Variants in DNAH11 observed in about 807,000 individuals in gnomAD.
DNAH11 encodes dynein axonemal heavy chain 11, also known as axonemal beta dynein heavy chain 11.
Under a neutral mutation model 526.0 loss-of-function variants are expected in DNAH11, and 442 were observed. The ratio of observed to expected loss-of-function variants is 0.84; its 90% CI spans 0.78 to 0.91. DNAH11 has a LOEUF of 0.91. DNAH11 is among the 40% of genes least tolerant of loss of function. DNAH11 has a pLI of 0.00. For missense variants in DNAH11, 6,989 were observed against 5,448.7 expected, an observed-to-expected ratio of 1.28 and a Z score of -8.90; for synonymous variants, 2,461 against 1,935.9, an observed-to-expected ratio of 1.27 and a Z score of -7.12.
At chr7:21,688,437 G>C (rs1449469238) in intron 34 of DNAH11, among the ~76,000 whole-genome samples, 1 of 152,088 alleles carries the variant, frequency 6.6e-6, no homozygotes, top group East Asian at 1.9e-4. Flanking sequence ...CCAGTCTTTG[G>C]ATTTACTTTC....
chr7:21,784,521 C>T lies in DNAH11; in HGVS notation c.9578C>T (p.Ala3193Val), dbSNP rs753677016. 2 of 1,609,038 alleles carry T rather than the reference C, an allele frequency of 1.2e-6. No individual in the cohort carries two copies. The highest frequency in any genetic ancestry group is 2.2e-5 in the South Asian group (2 of 90,046). Residue 3193 changes from alanine to valine, a missense_variant, in exon 58 of 82, where the codon GCA (alanine) becomes GTA (valine). Ala to Val is a moderately conservative substitution (Grantham distance 64). Coordinates refer to ENST00000409508, the MANE Select transcript of DNAH11 (RefSeq NM_001277115.2). ...CCTGCACTGGTGGCTGCTACAGCTG[C>T]ACTCAATACACTCAACAGGGTAAAG... is the stretch of plus-strand genomic sequence containing the variant. ...AEPALVAATA[A>V]LNTLNRVNLS... is the part of the protein sequence containing the mutation.
Position 21,617,648 on chromosome 7 carries a change from C to T in DNAH11, c.4125C>T (p.Arg1375=), listed in dbSNP as rs570983771. 1.4e-5 allele frequency: 22 copies of T among 1,613,720 alleles called. No homozygotes were observed. Among genetic ancestry groups the T allele is most frequent in the Admixed American group, 3.3e-5 (2 of 59,934 alleles). Residue 1375 remains arginine, a synonymous_variant, in exon 23 of 82, where the codon CGC becomes CGT. Transcript: ENST00000409508. ...KEIWSLNKEV[R]VWDAYTGLEG... ...TTTGGTCACTCAACAAGGAAGTCCG[C>T]GTCTGGGATGCTTACACGGGCCTGG...
At chr7:21,667,822 G>C (rs902851834) in intron 30 of DNAH11, among the ~76,000 whole-genome samples, 1 of 151,996 alleles carries the variant, frequency 6.6e-6, no homozygotes. Flanking sequence ...TAAAATAAAT[G>C]GATGTTTCTC....
chr7:21,752,366 G>C (rs957671225), intron 54 of DNAH11, among the ~76,000 whole-genome samples: 1 of 152,208 alleles, frequency 6.6e-6, no homozygotes, highest in Non-Finnish European at 1.5e-5. Context: ...GCTTGTGACT[G>C]CTTCAGCTAA....
intron 62 of DNAH11, among the ~76,000 whole-genome samples, chr7:21,803,864 C>G (rs1172159798): frequency 6.7e-6 from 1 of 149,768 alleles, no homozygotes; most frequent in African/African-American, 2.5e-5. Flanking sequence ...ATGGGGCTAT[C>G]ATCATTGAAG....
chr7:21,852,687 G>T (rs1011209349), intron 67 of DNAH11, 56 bp downstream of exon 67: 2 of 1,504,330 alleles, frequency 1.3e-6, no homozygotes, highest in Non-Finnish European at 1.8e-6. Flanking sequence ...AATGAGACAT[G>T]TGGGGTGGGC....
In DNAH11 at chr7:21,854,326, C is replaced by T. The variant is rs1296609083; in HGVS notation, c.11073C>T (p.Ala3691=). ...TGATCCCACCATAGGTGATTGAAGC[C>T]AAAGAAAATGAAAGAAAAATCAACG... ...VAEIEHKVIE[A]KENERKINEA... The change falls in exon 68 of 82, where the codon GCC becomes GCT. Residue 3691 remains alanine (A), a synonymous_variant. Coordinates refer to ENST00000409508, the MANE Select transcript of DNAH11 (RefSeq NM_001277115.2). The T allele has an allele frequency of 6.2e-7, 1 of 1,613,246 alleles. No homozygotes were observed. The highest frequency in any genetic ancestry group is 2.2e-5 in the East Asian group (1 of 44,826).
intron 65 of DNAH11, among the ~76,000 whole-genome samples, chr7:21,821,089 G>A (rs1234432257): frequency 6.6e-6 from 1 of 152,112 alleles, no homozygotes; most frequent in Non-Finnish European, 1.5e-5. Context: ...GTAATTAATT[G>A]GATATTATGG....
chr7:21,575,191 A>G (rs11983494), intron 8 of DNAH11, among the ~76,000 whole-genome samples: 7,782 of 152,076 alleles, frequency 0.051, 659 homozygotes, highest in African/African-American at 0.17. Flanking sequence ...CATTCTTTTC[A>G]CTGCACCACC....
chr7:21,681,398 G>C (rs1783130156), intron 30 of DNAH11, 148 bp from the exon 31 acceptor site: 1 of 781,154 alleles, frequency 1.3e-6, no homozygotes, highest in South Asian at 1.9e-5. Context: ...CTGCACTCCA[G>C]CCTGGGTGAC....
intron 25 of DNAH11, among the ~76,000 whole-genome samples, chr7:21,632,834 A>G (rs1786679118): frequency 6.6e-6 from 1 of 152,048 alleles, no homozygotes. Flanking sequence ...TTGCTTCCAC[A>G]TTTTCGGGTG....
chr7:21,628,729 G>C (rs974973354), intron 25 of DNAH11, among the ~76,000 whole-genome samples: 1 of 152,026 alleles, frequency 6.6e-6, no homozygotes, highest in Non-Finnish European at 1.5e-5. Context: ...ATGTTTATCA[G>C]TAGTATTGGC....
chr7:21,763,389 G>C (rs867096461), intron 54 of DNAH11, among the ~76,000 whole-genome samples: 1 of 147,454 alleles, frequency 6.8e-6, no homozygotes, highest in Non-Finnish European at 1.5e-5. Context: ...TATCCAACAG[G>C]TATAGGAAAA....
At chr7:21,811,508 C>G (rs1164341878) in intron 63 of DNAH11, among the ~76,000 whole-genome samples, 1 of 151,468 alleles carries the variant, frequency 6.6e-6, no homozygotes, top group Non-Finnish European at 1.5e-5. Flanking sequence ...TTACGAGGGA[C>G]CTAGAGCATT....
chr7:21,774,930 A>G (rs973280472), intron 56 of DNAH11, among the ~76,000 whole-genome samples: 1 of 152,166 alleles, frequency 6.6e-6, no homozygotes, highest in African/African-American at 2.4e-5. Flanking sequence ...TCAGACTCTC[A>G]TATGCTTTAC....
intron 69 of DNAH11, among the ~76,000 whole-genome samples, chr7:21,863,277 G>A (rs1460224198): frequency 6.6e-6 from 1 of 152,166 alleles, no homozygotes; most frequent in Non-Finnish European, 1.5e-5. Flanking sequence ...TGCAGCTAAT[G>A]ATGAACTGTG....
rs188793279 is a variant in DNAH11, at chr7:21,874,886, C to T, written c.12195+1385C>T. Among the ~76,000 whole-genome samples, 118 of 151,948 alleles carry T rather than the reference C, an allele frequency of 7.8e-4. 1 individual carries two copies. Among genetic ancestry groups the T allele is most frequent in the Admixed American group, 1.7e-3 (26 of 15,272 alleles). ...TTCTTGTTAGGACAGTAGAATGAAC[C>T]CTAAAGAGGAAATACATATGATTTG... is the stretch of plus-strand genomic sequence containing the variant. On this transcript the variant is annotated intron_variant, in intron 74 of 81. Transcript: ENST00000409508.
chr7:21,661,879 G>C (rs6970934), intron 30 of DNAH11, among the ~76,000 whole-genome samples: 1 of 151,946 alleles, frequency 6.6e-6, no homozygotes. Context: ...GAGTGCAATG[G>C]CACAATCTCA....
At position 21,864,251 on chromosome 7, in the gene DNAH11, C is replaced by T. The variant is rs532050741; in HGVS notation, c.11374-284C>T. 4.6e-5 allele frequency among the ~76,000 whole-genome samples: 7 copies of T among 152,238 alleles called. No individual in the cohort carries two copies. In the East Asian group the frequency reaches 9.6e-4, roughly 21 times the overall value. ...ACAAGTTTGATCTAATAATAAAACA[C>T]TTAATACGAATGCATATTTTAAATA... On this transcript the variant is annotated intron_variant, in intron 69 of 81. Transcript: ENST00000409508.
Sources: allele counts gnomAD v4.1 joint callset (sites outside exome capture counted in the v4.1 genomes callset), GRCh38; gene constraint gnomAD v4.1.1; transcripts MANE v1.5; gene names NCBI Gene and HGNC (gene_info 2026-07-23, HGNC 2026-07-21).